The following CAMTA1 variants were observed in gnomAD, a reference collection of about 807,000 sequenced individuals.
CAMTA1 encodes the protein calmodulin binding transcription activator 1.
A neutral mutation model predicts 170.9 loss-of-function variants in CAMTA1; 27 were observed. The observed-to-expected ratio is 0.16, with a 90% CI of 0.12 to 0.22. CAMTA1 has a LOEUF of 0.22. Ranked by LOEUF, CAMTA1 falls within the 10% of genes least tolerant of loss-of-function variation. The pLI, the probability that CAMTA1 is intolerant of heterozygous loss-of-function variation, is 1.00. For missense variants in CAMTA1, 1,619 were observed against 2,217.2 expected (o/e 0.73, Z 5.42); for synonymous variants, 833 against 891.5 (o/e 0.93, Z 1.17).
At chr1:7,308,523 C>G (rs1675948834) in intron 5 of CAMTA1, among the ~76,000 whole-genome samples, 1 of 151,960 alleles carries the variant, frequency 6.6e-6, no homozygotes, top group Non-Finnish European at 1.5e-5. Flanking sequence ...TTGGCTGTAT[C>G]CCACAGATTT....
intron 4 of CAMTA1, among the ~76,000 whole-genome samples, chr1:7,231,687 A>G (rs1415415247): frequency 2.0e-5 from 3 of 152,288 alleles, no homozygotes; most frequent in Non-Finnish European, 4.4e-5. Context: ...TTTTCAATCA[A>G]AGCTGCTATG....
intron 5 of CAMTA1, among the ~76,000 whole-genome samples, chr1:7,354,054 C>T (rs1444515229): frequency 6.6e-6 from 1 of 152,164 alleles, no homozygotes; most frequent in Non-Finnish European, 1.5e-5. Flanking sequence ...TTATGGCCTC[C>T]AGCTGCATCC....
At chr1:6,849,995 A>G (rs1454336965) in intron 3 of CAMTA1, among the ~76,000 whole-genome samples, 1 of 151,458 alleles carries the variant, frequency 6.6e-6, no homozygotes, top group Non-Finnish European at 1.5e-5. Context: ...AGATCATGCA[A>G]CTGCAATCCA....
chr1:7,595,587 G>A (rs377319715), intron 6 of CAMTA1, among the ~76,000 whole-genome samples: 1 of 152,190 alleles, frequency 6.6e-6, no homozygotes, highest in Non-Finnish European at 1.5e-5. Flanking sequence ...GCCAGGCACA[G>A]CTCCAGACCC....
intron 5 of CAMTA1, among the ~76,000 whole-genome samples, chr1:7,343,564 A>G (rs771033246): frequency 1.3e-5 from 2 of 152,224 alleles, no homozygotes; most frequent in Non-Finnish European, 2.9e-5. Flanking sequence ...AGGAATGCCC[A>G]TGACCTGCTG....
At position 7,768,841 on chromosome 1, in the gene CAMTA1, A is replaced by G. The variant is rs1180287366; in HGVS notation, c.*2350A>G. ...TAGGAGGACACTGAGTAATTTACAA[A>G]CACAACTGCATTCATAAATGGGAAT... On this transcript the variant is annotated 3_prime_UTR_variant, in exon 23 of 23. Coordinates refer to ENST00000303635, the MANE Select transcript of CAMTA1 (RefSeq NM_015215.4). The G allele has an allele frequency of 4.6e-5, 7 of 152,458 alleles. No homozygotes were observed. The highest frequency in any genetic ancestry group is 1.7e-4 in the African/African-American group (7 of 41,448). 9.4% of individuals were successfully genotyped at this position (152,458 alleles called of 1,614,324 possible).
chr1:7,285,706 C>A (rs1229813859), intron 5 of CAMTA1, among the ~76,000 whole-genome samples: 2 of 152,206 alleles, frequency 1.3e-5, no homozygotes, highest in African/African-American at 2.4e-5. Context: ...GCTCCAAGAT[C>A]TAGCCTATCT....
In CAMTA1 at chr1:7,247,387, G is replaced by A. The variant is rs181910351; in HGVS notation, c.303-2104G>A. 1.2e-4 allele frequency among the ~76,000 whole-genome samples: 19 copies of A among 152,322 alleles called. No individual in the cohort carries two copies. The East Asian group carries it at 1.9e-3, about 16-fold the overall frequency. ...GTCATACCACTTACGATGTGGGAAC[G>A]GTTTGCCTGAGTACCCTGCTGAGGT... is the stretch of plus-strand genomic sequence containing the variant. On this transcript the variant is annotated intron_variant, in intron 4 of 22. Transcript: ENST00000303635.
intron 5 of CAMTA1, among the ~76,000 whole-genome samples, chr1:7,277,828 T>C (rs1214067541): frequency 1.3e-5 from 2 of 152,144 alleles, no homozygotes; most frequent in Non-Finnish European, 2.9e-5. Flanking sequence ...TTTGTATTTT[T>C]TTACTTGACT....
At chr1:7,011,643 G>C (rs926866167) in intron 3 of CAMTA1, among the ~76,000 whole-genome samples, 3 of 152,056 alleles carry the variant, frequency 2.0e-5, no homozygotes, top group African/African-American at 7.2e-5. Flanking sequence ...CTTCATCCCT[G>C]TCTACTTCCT....
At chr1:6,796,132 CTTTTTTTTTT>C (rs978363793) in intron 1 of CAMTA1, among the ~76,000 whole-genome samples, 8 of 70,962 alleles carry the variant, frequency 1.1e-4, no homozygotes, top group Non-Finnish European at 2.0e-4. Flanking sequence ...AATAGCATTT[CTTTTTTTTTT>C]TTTTTTTTTT....
At chr1:7,480,242 CGT>C (rs1181594323) in intron 6 of CAMTA1, among the ~76,000 whole-genome samples, 4 of 88,066 alleles carry the variant, frequency 4.5e-5, no homozygotes, top group African/African-American at 2.4e-4. Context: ...TGCATGTGTC[CGT>C]GTGTGTGCAT....
At chr1:7,425,432 G>A (rs991303752) in intron 5 of CAMTA1, among the ~76,000 whole-genome samples, 7 of 152,142 alleles carry the variant, frequency 4.6e-5, no homozygotes, top group African/African-American at 1.4e-4. Flanking sequence ...GTCATCCTCT[G>A]TGAATGGCGA....
At chr1:7,587,553 G>A (rs2095321696) in intron 6 of CAMTA1, among the ~76,000 whole-genome samples, 1 of 152,034 alleles carries the variant, frequency 6.6e-6, no homozygotes, top group South Asian at 2.1e-4. Flanking sequence ...AACTTATCAG[G>A]GTGAGTAATA....
intron 11 of CAMTA1, among the ~76,000 whole-genome samples, chr1:7,725,999 C>A (rs544474701): frequency 4.6e-5 from 7 of 152,320 alleles, no homozygotes; most frequent in African/African-American, 1.7e-4. Flanking sequence ...CGGGAACAGG[C>A]AGGTGGGTCA....
At chr1:7,280,683 C>A (rs1405705903) in intron 5 of CAMTA1, among the ~76,000 whole-genome samples, 1 of 152,202 alleles carries the variant, frequency 6.6e-6, no homozygotes, top group Non-Finnish European at 1.5e-5. Flanking sequence ...TGAAACCAAC[C>A]CGCCAGTGGT....
chr1:7,210,059 A>C (rs1011207790), intron 4 of CAMTA1, among the ~76,000 whole-genome samples: 28 of 152,372 alleles, frequency 1.8e-4, no homozygotes, highest in African/African-American at 6.7e-4. Flanking sequence ...CTCTTGCATA[A>C]GCCAGTGCAA....
At chr1:7,661,231 C>G (rs977586650) in intron 7 of CAMTA1, among the ~76,000 whole-genome samples, 2 of 152,196 alleles carry the variant, frequency 1.3e-5, no homozygotes, top group African/African-American at 2.4e-5. Context: ...AGTCTTACCC[C>G]CCAGGGTGGG....
At chr1:7,608,036 C>T (rs2095499208) in intron 6 of CAMTA1, among the ~76,000 whole-genome samples, 1 of 152,156 alleles carries the variant, frequency 6.6e-6, no homozygotes, top group African/African-American at 2.4e-5. Flanking sequence ...CTCCATAGTT[C>T]CTCCTGAGCC....
Sources: allele counts gnomAD v4.1 joint callset (sites outside exome capture counted in the v4.1 genomes callset), GRCh38; gene constraint gnomAD v4.1.1; transcripts MANE v1.5; gene names NCBI Gene and HGNC (gene_info 2026-07-23, HGNC 2026-07-21).